CREB3L1: variants seen among roughly 807,000 people sequenced by gnomAD.
The protein encoded by CREB3L1 is cAMP responsive element binding protein 3 like 1.
In CREB3L1, 33 loss-of-function variants were observed where a neutral mutation model predicts 54.5. That is an observed-to-expected ratio of 0.61 (90% CI 0.46 to 0.81). The LOEUF (loss-of-function observed/expected upper bound fraction) is 0.81, where lower values mean the gene tolerates loss of function less well. CREB3L1 is among the 30% of genes least tolerant of loss of function. CREB3L1 has a pLI of 0.00. For synonymous variants in CREB3L1, 284 were observed against 286.4 expected, an observed-to-expected ratio of 0.99 and a Z score of 0.08; for missense variants, 656 against 673.3, an observed-to-expected ratio of 0.97 and a Z score of 0.29.
intron 10 of CREB3L1, among the ~76,000 whole-genome samples, chr11:46,319,113 C>A (rs1248548444): frequency 6.6e-6 from 1 of 152,164 alleles, no homozygotes; most frequent in African/African-American, 2.4e-5. Flanking sequence ...TGAGAGGAGG[C>A]AATGAATGAG....
chr11:46,309,460 A>T (rs1434085387), intron 3 of CREB3L1, among the ~76,000 whole-genome samples: 2 of 152,250 alleles, frequency 1.3e-5, no homozygotes, highest in Non-Finnish European at 2.9e-5. Context: ...GATTCTATCA[A>T]GCCCTTACTT....
At position 46,278,274 on chromosome 11, in the gene CREB3L1, G is replaced by C; in HGVS notation, c.102+61G>C. 1 of 1,188,384 alleles carries C rather than the reference G, an allele frequency of 8.4e-7. No individual in the cohort carries two copies. The highest frequency in any genetic ancestry group is 1.4e-5 in the South Asian group (1 of 71,908). The allele number at this position is 1,188,384 out of a possible 1,614,324, so 73.6% of individuals were successfully genotyped here. A position where few individuals can be genotyped will look rare whatever the true frequency, so the allele number is the denominator to read the frequency against. ...CGGCACCCGTCCTCGCGGCGCGCCT[G>C]GGCCCCTAGAAGGACCCGACTACAC... On this transcript the variant is annotated intron_variant, in intron 1 of 11. Coordinates refer to ENST00000621158, the MANE Select transcript of CREB3L1 (RefSeq NM_052854.4). The surrounding 1 kb of genome is among the most constrained non-coding windows in gnomAD (Gnocchi z 4.2).
intron 9 of CREB3L1, among the ~76,000 whole-genome samples, chr11:46,317,001 G>A (rs1343412225): frequency 2.0e-5 from 3 of 152,176 alleles, no homozygotes; most frequent in Admixed American, 6.5e-5. Context: ...TGCTGAGAAC[G>A]TGATGTGGCG....
intron 1 of CREB3L1, among the ~76,000 whole-genome samples, chr11:46,280,876 T>C (rs1289105340): frequency 6.6e-6 from 1 of 151,982 alleles, no homozygotes; most frequent in East Asian, 1.9e-4. Context: ...GTCTGGAAAA[T>C]GGAGAGCAGA....
chr11:46,315,211 G>A, intron 8 of CREB3L1: 1 of 304,250 alleles, frequency 3.3e-6, no homozygotes, highest in Non-Finnish European at 6.7e-6. Flanking sequence ...TTCCCTGATT[G>A]GCCTGGAGAA....
chr11:46,281,670 G>T (rs1938976574), intron 1 of CREB3L1, among the ~76,000 whole-genome samples: 1 of 152,232 alleles, frequency 6.6e-6, no homozygotes, highest in African/African-American at 2.4e-5. Context: ...CACACGCCTA[G>T]CCTGGCTTCT....
At chr11:46,307,381 C>A (rs115242856) in intron 2 of CREB3L1, among the ~76,000 whole-genome samples, 86 of 152,304 alleles carry the variant, frequency 5.6e-4, no homozygotes, top group African/African-American at 1.9e-3. Flanking sequence ...TGAGCCACGG[C>A]GCTCAGCCTG....
chr11:46,321,015 C>T lies in CREB3L1; in HGVS notation c.*269C>T, dbSNP rs1429474981. 3 of 620,034 alleles carry T rather than the reference C, an allele frequency of 4.8e-6. No homozygotes were observed. The East Asian group carries it at 8.5e-5, about 17-fold the overall frequency. The allele number at this position is 620,034 out of a possible 1,614,324, so 38.4% of individuals were successfully genotyped here. ...TACCCCACCTCCTCTCTCATATGCCCAACACGACCACTGCCTCCCTGCCCC... is the reference window on the plus strand; with the variant it reads ...TACCCCACCTCCTCTCTCATATGCCTAACACGACCACTGCCTCCCTGCCCC... On this transcript the variant is annotated 3_prime_UTR_variant, in exon 12 of 12. Transcript: ENST00000621158.
At chr11:46,281,383 C>T (rs573381323) in intron 1 of CREB3L1, among the ~76,000 whole-genome samples, 2 of 152,376 alleles carry the variant, frequency 1.3e-5, no homozygotes, top group South Asian at 4.1e-4. Context: ...CTGTCCCCTC[C>T]TTCCTCTGGC....
intron 8 of CREB3L1, 40 bp downstream of exon 8, chr11:46,312,959 C>T (rs765090136): frequency 1.4e-6 from 2 of 1,466,852 alleles, no homozygotes; most frequent in Non-Finnish European, 1.9e-6. Flanking sequence ...CCCCCTGCCC[C>T]TCTGCAACCC....
intron 1 of CREB3L1, among the ~76,000 whole-genome samples, chr11:46,285,423 A>T (rs1159795051): frequency 6.6e-6 from 1 of 152,098 alleles, no homozygotes; most frequent in African/African-American, 2.4e-5. Context: ...AGGACCCTGG[A>T]CCAGGATTGG....
intron 1 of CREB3L1, 47 bp from the exon 2 acceptor site, chr11:46,299,888 C>T (rs1230955176): frequency 6.8e-7 from 1 of 1,473,946 alleles, no homozygotes; most frequent in South Asian, 1.2e-5. Flanking sequence ...CACCCCCTTC[C>T]CAAGCAAAGC....
chr11:46,287,453 C>T (rs1240862631), intron 1 of CREB3L1, among the ~76,000 whole-genome samples: 2 of 152,044 alleles, frequency 1.3e-5, no homozygotes, highest in Non-Finnish European at 2.9e-5. Flanking sequence ...GACATACCAC[C>T]ATGTCTGGCT....
chr11:46,320,358 G>C lies in CREB3L1; in HGVS notation c.1353G>C (p.Trp451Cys). The C allele has an allele frequency of 6.2e-7, 1 of 1,611,942 alleles. No individual in the cohort carries two copies. The highest frequency in any genetic ancestry group is 8.5e-7 in the Non-Finnish European group (1 of 1,179,050). Residue 451 changes from tryptophan to cysteine, a missense_variant, in exon 11 of 12, where the codon TGG becomes TGC. Physicochemically the swap from Trp to Cys is radical, Grantham distance 215 (BLOSUM62 -2). Around this residue, in one of 3 missense-constraint regions of CREB3L1, gnomAD observed 240 missense variants for 219.8 expected, o/e 1.09. Coordinates refer to ENST00000621158, the MANE Select transcript of CREB3L1 (RefSeq NM_052854.4). ...TGCCCATGGAGCCCCCAGATGGCTG[G>C]GAAATCAACCCCGGGGGGCCGGCAG... ...TLLPMEPPDG[W>C]EINPGGPAEQ...
intron 1 of CREB3L1, among the ~76,000 whole-genome samples, chr11:46,279,243 C>G (rs1938932073): frequency 1.3e-5 from 2 of 152,102 alleles, no homozygotes; most frequent in South Asian, 4.1e-4. Flanking sequence ...CTCCCAGGAC[C>G]AAGATAAACT....
Position 46,312,933 on chromosome 11 carries a change from C to A in CREB3L1, c.1031+14C>A. The A allele has an allele frequency of 6.4e-7, 1 of 1,567,758 alleles. No homozygotes were observed. Among genetic ancestry groups the A allele is most frequent in the East Asian group, 2.4e-5 (1 of 42,446 alleles). ...GAATGCCAACAGGTGGGTAGTGCCTCCTGCATCCAACCTGGCCCCCTGCCC... is the reference window on the plus strand; with the variant it reads ...GAATGCCAACAGGTGGGTAGTGCCTACTGCATCCAACCTGGCCCCCTGCCC... On this transcript the variant is annotated intron_variant, in intron 8 of 11. Coordinates refer to ENST00000621158, the MANE Select transcript of CREB3L1 (RefSeq NM_052854.4).
Position 46,321,227 on chromosome 11 carries a change from T to C in CREB3L1, c.*481T>C. 1 of 321,890 alleles carries C rather than the reference T, an allele frequency of 3.1e-6. No homozygotes were observed. The highest frequency in any genetic ancestry group is 6.0e-6 in the Non-Finnish European group (1 of 165,876). The allele number at this position is 321,890 out of a possible 1,614,324, so 19.9% of individuals were successfully genotyped here. A position where few individuals can be genotyped will look rare whatever the true frequency, so the allele number is the denominator to read the frequency against. On this transcript the variant is annotated 3_prime_UTR_variant, in exon 12 of 12. Coordinates refer to ENST00000621158, the MANE Select transcript of CREB3L1 (RefSeq NM_052854.4). ...TCTTCCCTTCGCCCCTCCCTTGTTT[T>C]ATATTTTATGAAGTTAGTGCGGGCT...
intron 1 of CREB3L1, among the ~76,000 whole-genome samples, chr11:46,282,308 G>C (rs1236217727): frequency 1.3e-5 from 2 of 152,144 alleles, no homozygotes; most frequent in African/African-American, 4.8e-5. Flanking sequence ...TTTTTAATGA[G>C]TTCTCATTAC....
intron 1 of CREB3L1, among the ~76,000 whole-genome samples, chr11:46,292,023 G>A (rs1240126766): frequency 2.0e-5 from 3 of 152,346 alleles, no homozygotes; most frequent in South Asian, 2.1e-4. Context: ...GCCAGGGGCC[G>A]AGAGAGCAGC....
Sources: allele counts gnomAD v4.1 joint callset (sites outside exome capture counted in the v4.1 genomes callset), GRCh38; gene constraint gnomAD v4.1.1; regional missense constraint gnomAD v4.1.1; non-coding constraint Gnocchi (gnomAD v3.1); transcripts MANE v1.5; gene names NCBI Gene and HGNC (gene_info 2026-07-23, HGNC 2026-07-21).